Variants in NBAS observed in about 807,000 individuals in gnomAD.
NBAS encodes the protein NAG/BC035112 fusion.
Under a neutral mutation model 302.5 loss-of-function variants are expected in NBAS, and 219 were observed. The observed-to-expected ratio is 0.72, with a 90% CI of 0.65 to 0.81. The LOEUF (loss-of-function observed/expected upper bound fraction) is 0.81. Among genes scored for constraint, NBAS ranks in the 30% least tolerant of loss-of-function variants. The pLI is 0.00. For missense variants in NBAS, 2,932 were observed against 2,841.6 expected, an observed-to-expected ratio of 1.03 and a Z score of -0.72; for synonymous variants, 1,118 against 1,021.6, an observed-to-expected ratio of 1.09 and a Z score of -1.80.
At chr2:14,811,083 T>C in the NBAS span, among the ~76,000 whole-genome samples, 3 of 152,100 alleles carry the variant, frequency 2.0e-5, no homozygotes, top group Admixed American at 6.5e-5. Flanking sequence ...TAGTGGCTAA[T>C]GATATAGGGT....
chr2:15,318,282 C>T (rs959648875), intron 38 of NBAS, among the ~76,000 whole-genome samples: 1 of 152,192 alleles, frequency 6.6e-6, no homozygotes. Context: ...GTATCAGCCA[C>T]TGTAAAAACA....
chr2:15,255,994 C>G (rs1668573674), intron 44 of NBAS, among the ~76,000 whole-genome samples: 1 of 152,072 alleles, frequency 6.6e-6, no homozygotes, highest in Admixed American at 6.6e-5. Flanking sequence ...TAATATGATG[C>G]CTCCAGATTT....
the NBAS span, among the ~76,000 whole-genome samples, chr2:14,962,128 AT>A: frequency 6.6e-6 from 1 of 152,144 alleles, no homozygotes; most frequent in Non-Finnish European, 1.5e-5. Flanking sequence ...TATTAGAATT[AT>A]GGGTGAGTTT....
intron 48 of NBAS, among the ~76,000 whole-genome samples, chr2:15,201,028 G>C (rs1046887999): frequency 2.7e-4 from 41 of 152,100 alleles, no homozygotes; most frequent in Non-Finnish European, 4.4e-5. Context: ...AATTATTCCT[G>C]GCAGTAGAGA....
intron 21 of NBAS, among the ~76,000 whole-genome samples, chr2:15,439,308 A>AG (rs1336682875): frequency 6.7e-6 from 1 of 149,884 alleles, no homozygotes; most frequent in Non-Finnish European, 1.5e-5. Flanking sequence ...TCTCAAATAA[A>AG]AAAAAAAAAA....
chr2:14,808,183 T>A, the NBAS span, among the ~76,000 whole-genome samples: 1 of 152,240 alleles, frequency 6.6e-6, no homozygotes, highest in Non-Finnish European at 1.5e-5. Flanking sequence ...TTTCCCCATT[T>A]CTATTGAAAA....
chr2:15,057,314 G>GGAAA, the NBAS span, among the ~76,000 whole-genome samples: 6 of 135,860 alleles, frequency 4.4e-5, no homozygotes, highest in African/African-American at 1.7e-4. Flanking sequence ...ACAGAAATTT[G>GGAAA]AAAAAAAAAA....
intron 49 of NBAS, among the ~76,000 whole-genome samples, chr2:15,188,463 C>A (rs1665190073): frequency 6.6e-6 from 1 of 152,192 alleles, no homozygotes; most frequent in Admixed American, 6.5e-5. Context: ...AGTATCCCAT[C>A]ACACATTCTC....
At chr2:15,043,133 C>T in the NBAS span, among the ~76,000 whole-genome samples, 2 of 152,170 alleles carry the variant, frequency 1.3e-5, no homozygotes, top group African/African-American at 2.4e-5. Context: ...CACCCTTCCT[C>T]GCTTAGTCAC....
intron 48 of NBAS, among the ~76,000 whole-genome samples, chr2:15,193,726 T>C (rs370644969): frequency 1.4e-4 from 21 of 152,198 alleles, no homozygotes; most frequent in African/African-American, 5.1e-4. Context: ...ATATAACAAG[T>C]GCGAATCCAA....
chr2:15,517,600 T>C (rs1440247389), intron 9 of NBAS, among the ~76,000 whole-genome samples: 2 of 152,202 alleles, frequency 1.3e-5, no homozygotes, highest in Non-Finnish European at 2.9e-5. Context: ...ATTTGTTAAG[T>C]GCACGTAGTA....
chr2:15,398,578 C>T (rs1387852995), intron 26 of NBAS, among the ~76,000 whole-genome samples: 1 of 150,876 alleles, frequency 6.6e-6, no homozygotes, highest in Admixed American at 6.6e-5. Flanking sequence ...AATAATCTGC[C>T]TAGGTAAGAT....
At position 15,467,564 on chromosome 2, in the gene NBAS, T is replaced by C. The variant is rs1679777161; in HGVS notation, c.2018+100A>G. 4.5e-6 allele frequency: 6 copies of C among 1,344,902 alleles called. No homozygotes were observed. In the Admixed American group the frequency reaches 5.5e-5, roughly 12 times the overall value. 83.3% of individuals were successfully genotyped at this position (1,344,902 alleles called of 1,614,324 possible). ...TAATAGTAAGTACATTTGATCTAAG[T>C]TGCTAAAATAATTTGGACTAATTAT... On this transcript the variant is annotated intron_variant, in intron 18 of 51. Transcript: ENST00000281513.
chr2:15,334,634 G>A (rs1235756210), intron 35 of NBAS, among the ~76,000 whole-genome samples: 2 of 152,150 alleles, frequency 1.3e-5, no homozygotes, highest in Non-Finnish European at 2.9e-5. Flanking sequence ...ATTCACTAAA[G>A]ATGGTTTGCA....
At chr2:14,821,194 G>T in the NBAS span, among the ~76,000 whole-genome samples, 1 of 152,094 alleles carries the variant, frequency 6.6e-6, no homozygotes, top group Non-Finnish European at 1.5e-5. Flanking sequence ...CGAAGTGCTG[G>T]GATTACAGGC....
At chr2:14,800,790 T>TG in the NBAS span, among the ~76,000 whole-genome samples, 1 of 141,738 alleles carries the variant, frequency 7.1e-6, no homozygotes, top group African/African-American at 2.9e-5. Context: ...AAATTGTTTT[T>TG]GTTTTTTTTT....
chr2:14,931,431 G>A, the NBAS span, among the ~76,000 whole-genome samples: 4 of 152,134 alleles, frequency 2.6e-5, no homozygotes, highest in African/African-American at 4.8e-5. Flanking sequence ...CAAACCCGTA[G>A]GCCTAAAAAG....
the NBAS span, among the ~76,000 whole-genome samples, chr2:14,825,538 G>C: frequency 6.6e-6 from 1 of 152,160 alleles, no homozygotes; most frequent in Non-Finnish European, 1.5e-5. Flanking sequence ...TATGGCCTTA[G>C]AAATGAGCCT....
intron 38 of NBAS, among the ~76,000 whole-genome samples, chr2:15,315,325 T>C (rs1030219541): frequency 1.3e-5 from 2 of 152,184 alleles, no homozygotes; most frequent in African/African-American, 4.8e-5. Context: ...CAATATTAAC[T>C]GGAGGGTACA....
Sources: allele counts gnomAD v4.1 joint callset (sites outside exome capture counted in the v4.1 genomes callset), GRCh38; gene constraint gnomAD v4.1.1; transcripts MANE v1.5; gene names NCBI Gene and HGNC (gene_info 2026-07-23, HGNC 2026-07-21).